AUTS2: variants seen among roughly 807,000 people sequenced by gnomAD.
AUTS2 encodes activator of transcription and developmental regulator AUTS2, also known as autism susceptibility gene 2 protein.
Under a neutral mutation model 112.4 loss-of-function variants are expected in AUTS2, and 17 were observed. The ratio of observed to expected loss-of-function variants is 0.15; its 90% CI spans 0.10 to 0.23. AUTS2 has a LOEUF of 0.23. Ranked by LOEUF, AUTS2 falls within the 10% of genes least tolerant of loss-of-function variation. AUTS2 has a pLI of 1.00. For synonymous variants in AUTS2, 751 were observed against 702.7 expected (o/e 1.07, Z -1.09); for missense variants, 1,510 against 1,701.6 (o/e 0.89, Z 1.98).
At chr7:70,173,536 C>T (rs535689955) in intron 4 of AUTS2, among the ~76,000 whole-genome samples, 10 of 152,268 alleles carry the variant, frequency 6.6e-5, no homozygotes, top group African/African-American at 2.4e-4. Flanking sequence ...ATATGTCATT[C>T]ATTCGTACTT....
intron 4 of AUTS2, among the ~76,000 whole-genome samples, chr7:70,296,651 T>C (rs1343645465): frequency 1.3e-5 from 2 of 152,144 alleles, no homozygotes; most frequent in African/African-American, 4.8e-5. Context: ...GTGTGTAACT[T>C]TATTTTCTGT....
intron 15 of AUTS2, 180 bp downstream of exon 15, chr7:70,781,936 CTCTT>C: frequency 1.5e-6 from 1 of 687,962 alleles, no homozygotes; most frequent in Non-Finnish European, 2.4e-6. Flanking sequence ...TTGATACACT[CTCTT>C]TCATTAAAGG....
At chr7:70,400,304 A>T (rs1200003927) in intron 4 of AUTS2, among the ~76,000 whole-genome samples, 1 of 152,178 alleles carries the variant, frequency 6.6e-6, no homozygotes, top group Non-Finnish European at 1.5e-5. Flanking sequence ...AGACAGACAC[A>T]GAGTTGTAGG....
chr7:69,882,082 G>A (rs746452313), intron 1 of AUTS2, among the ~76,000 whole-genome samples: 1 of 149,488 alleles, frequency 6.7e-6, no homozygotes, highest in Non-Finnish European at 1.5e-5. Flanking sequence ...ACTGGGAGAC[G>A]GAAGTTGTAG....
chr7:70,375,590 G>A (rs947995277), intron 4 of AUTS2, among the ~76,000 whole-genome samples: 1 of 152,126 alleles, frequency 6.6e-6, no homozygotes, highest in African/African-American at 2.4e-5. Flanking sequence ...TCAGTCAAGA[G>A]CAATATTTTT....
intron 5 of AUTS2, among the ~76,000 whole-genome samples, chr7:70,649,240 G>T (rs1349789239): frequency 6.8e-6 from 1 of 148,098 alleles, no homozygotes. Flanking sequence ...TTTGAGACCA[G>T]CCTGGGCAAC....
At chr7:70,718,905 TTA>T (rs1261392766) in intron 6 of AUTS2, among the ~76,000 whole-genome samples, 4 of 152,140 alleles carry the variant, frequency 2.6e-5, no homozygotes, top group Non-Finnish European at 5.9e-5. Context: ...TTCTTCATCA[TTA>T]TCCTGGGACA....
intron 1 of AUTS2, among the ~76,000 whole-genome samples, chr7:69,667,779 C>T (rs563134014): frequency 6.6e-6 from 1 of 152,238 alleles, no homozygotes; most frequent in South Asian, 2.1e-4. Context: ...GGCCCATTCC[C>T]AATCCAGTAG....
At chr7:70,288,324 C>T (rs920010297) in intron 4 of AUTS2, among the ~76,000 whole-genome samples, 2 of 152,138 alleles carry the variant, frequency 1.3e-5, no homozygotes, top group Admixed American at 6.5e-5. Context: ...ATGGCGTGAA[C>T]CCGGGAGGCG....
chr7:70,325,518 A>T (rs1790447365), intron 4 of AUTS2, among the ~76,000 whole-genome samples: 1 of 152,134 alleles, frequency 6.6e-6, no homozygotes. Flanking sequence ...AATGGCTAGT[A>T]TATACCTAAA....
At chr7:70,174,312 C>G (rs1321306302) in intron 4 of AUTS2, among the ~76,000 whole-genome samples, 1 of 152,164 alleles carries the variant, frequency 6.6e-6, no homozygotes, top group Non-Finnish European at 1.5e-5. Flanking sequence ...GGCAAGGAAG[C>G]TGCAGAAGAA....
At chr7:69,992,514 AG>A (rs1258220433) in intron 2 of AUTS2, among the ~76,000 whole-genome samples, 2 of 152,312 alleles carry the variant, frequency 1.3e-5, no homozygotes, top group East Asian at 3.9e-4. Context: ...AACATCATCC[AG>A]GAAGGCCTTT....
rs146641388 is a variant in AUTS2, at chr7:69,935,210, C to T, written c.522+35712C>T. ...CGGAGGGGATCTTTGGAGGTGCATG[C>T]CAGGAGAGAGTTGTCTCATACGAGC... On this transcript the variant is annotated intron_variant, in intron 2 of 18. Transcript: ENST00000342771. 4.5e-3 allele frequency among the ~76,000 whole-genome samples: 679 copies of T among 152,088 alleles called. 12 individuals are homozygous for T. Among genetic ancestry groups the T allele is most frequent in the Admixed American group, 0.026 (397 of 15,278 alleles).
At chr7:69,691,817 G>C (rs541446326) in intron 1 of AUTS2, among the ~76,000 whole-genome samples, 1 of 152,162 alleles carries the variant, frequency 6.6e-6, no homozygotes, top group African/African-American at 2.4e-5. Context: ...TCATCAGTGG[G>C]ACCCAAGGCA....
intron 1 of AUTS2, among the ~76,000 whole-genome samples, chr7:69,844,955 G>A (rs1230318944): frequency 1.3e-5 from 2 of 152,098 alleles, no homozygotes; most frequent in Non-Finnish European, 2.9e-5. Context: ...ATAGGATTGT[G>A]GAGATGGACA....
intron 4 of AUTS2, among the ~76,000 whole-genome samples, chr7:70,362,543 A>G (rs2129627266): frequency 6.6e-6 from 1 of 152,232 alleles, no homozygotes; most frequent in Admixed American, 6.5e-5. Context: ...TGATATTTCA[A>G]GCAGGAGAAA....
At chr7:70,486,977 A>G (rs991901858) in intron 5 of AUTS2, among the ~76,000 whole-genome samples, 1 of 148,484 alleles carries the variant, frequency 6.7e-6, no homozygotes, top group Admixed American at 6.7e-5. Context: ...TAGGCCCCAC[A>G]GGGCCTTTCC....
At chr7:69,862,157 C>T (rs1793014521) in intron 1 of AUTS2, among the ~76,000 whole-genome samples, 1 of 152,168 alleles carries the variant, frequency 6.6e-6, no homozygotes, top group Non-Finnish European at 1.5e-5. Context: ...ATGCTAGAGG[C>T]AGGTTTTTAT....
At chr7:69,730,378 A>G (rs569135199) in intron 1 of AUTS2, among the ~76,000 whole-genome samples, 1 of 152,244 alleles carries the variant, frequency 6.6e-6, no homozygotes, top group South Asian at 2.1e-4. Context: ...TCTAACATCA[A>G]TTCTGTCCCC....
Sources: gnomAD v4.1 joint callset for allele counts (sites outside exome capture counted in the v4.1 genomes callset) on GRCh38, gnomAD v4.1.1 for gene constraint, MANE v1.5 for transcripts, NCBI Gene and HGNC (gene_info 2026-07-23, HGNC 2026-07-21) for gene names.